The following WNT2B variants were observed in gnomAD, a reference collection of about 807,000 sequenced individuals.
WNT2B encodes the protein protein Wnt-2b.
Under a neutral mutation model 40.5 loss-of-function variants are expected in WNT2B, and 19 were observed. The ratio of observed to expected loss-of-function variants is 0.47; its 90% CI spans 0.33 to 0.69. The LOEUF (loss-of-function observed/expected upper bound fraction) is 0.69, where lower values mean the gene tolerates loss of function less well. Ranked by LOEUF, WNT2B falls within the 30% of genes least tolerant of loss-of-function variation. The probability of loss-of-function intolerance (pLI) is 0.02; values close to 1 mark genes in which losing one functional copy is unlikely to be tolerated. For missense variants in WNT2B, 467 were observed against 556.4 expected (o/e 0.84, Z 1.62); for synonymous variants, 220 against 211.9 (o/e 1.04, Z -0.33).
Position 112,480,324 on chromosome 1 carries a change from A to G in WNT2B, c.-95+12733A>G, listed in dbSNP as rs1214425823. Among the ~76,000 whole-genome samples the G allele has an allele frequency of 8.9e-5, 13 of 146,510 alleles. No individual in the cohort carries two copies. The Admixed American group carries it at 9.2e-4, about 10-fold the overall frequency. On this transcript the variant is annotated intron_variant, in intron 1 of 4. Coordinates refer to the WNT2B transcript ENST00000256640. The stretch of plus-strand genomic sequence containing the variant: ...GGAAGTTGCAGCCAGTCAATATCAC[A>G]CCACTGCACTCAGCCTGGGTGACAG...
Position 112,481,164 on chromosome 1 carries a change from C to T in WNT2B, c.-95+13573C>T, listed in dbSNP as rs555253477. Among the ~76,000 whole-genome samples the T allele has an allele frequency of 9.0e-5, 12 of 132,638 alleles. No individual in the cohort carries two copies. The East Asian group carries it at 1.8e-3, about 20-fold the overall frequency. 87.0% of individuals were successfully genotyped at this position (132,638 alleles called of 152,430 possible). ...AGCCTGGGCAACAAGAGCAAAATTT[C>T]GTCTCAAAAAAAAAAAAAAATTATA... On this transcript the variant is annotated intron_variant, in intron 1 of 4. Coordinates refer to the WNT2B transcript ENST00000256640.
chr1:112,504,027 G>A (rs1227854337), upstream of WNT2B, among the ~76,000 whole-genome samples: 1 of 152,166 alleles, frequency 6.6e-6, no homozygotes, highest in African/African-American at 2.4e-5. Flanking sequence ...AGAACAGGTG[G>A]TAGGGAGAGA....
intron 1 of WNT2B, among the ~76,000 whole-genome samples, chr1:112,513,115 C>T (rs1195237431): frequency 1.4e-5 from 2 of 144,134 alleles, no homozygotes; most frequent in African/African-American, 5.5e-5. Context: ...TCACCCAAGC[C>T]CCATTAAAAA....
chr1:112,526,362 A>T lies in WNT2B; in HGVS notation c.*5853A>T, dbSNP rs1653391633. On this transcript the variant is annotated 3_prime_UTR_variant, in exon 5 of 5. Coordinates refer to ENST00000369684, the MANE Select transcript of WNT2B (RefSeq NM_024494.3). ...TTTCCCCTTCAGATTAACATTAAAAATTTTATCTAGTCCTTTTGAAATTAT... is the reference window on the plus strand; with the variant it reads ...TTTCCCCTTCAGATTAACATTAAAATTTTTATCTAGTCCTTTTGAAATTAT... The T allele has an allele frequency of 2.5e-6, 1 of 401,778 alleles. No homozygotes were observed. The highest frequency in any genetic ancestry group is 5.6e-5 in the South Asian group (1 of 17,708). The allele number at this position is 401,778 out of a possible 1,614,324, so 24.9% of individuals were successfully genotyped here.
chr1:112,510,741 AG>A (rs966986733), intron 1 of WNT2B, among the ~76,000 whole-genome samples: 15 of 148,420 alleles, frequency 1.0e-4, no homozygotes, highest in African/African-American at 2.7e-4. Flanking sequence ...GAAGGCAAGG[AG>A]GGGGGGTTCT....
intron 1 of WNT2B, among the ~76,000 whole-genome samples, chr1:112,493,886 G>A (rs184995077): frequency 9.6e-4 from 140 of 145,882 alleles, no homozygotes; most frequent in East Asian, 4.0e-4. Flanking sequence ...AACCAACAAC[G>A]ACAAAAACAC....
intron 1 of WNT2B, among the ~76,000 whole-genome samples, chr1:112,496,849 C>T (rs1651790771): frequency 6.6e-6 from 1 of 152,194 alleles, no homozygotes; most frequent in Non-Finnish European, 1.5e-5. Context: ...ATCTGCCCGC[C>T]TCAGCCTCCC....
chr1:112,511,361 C>T (rs1015734197), intron 1 of WNT2B, among the ~76,000 whole-genome samples: 9 of 152,156 alleles, frequency 5.9e-5, no homozygotes, highest in Non-Finnish European at 2.9e-5. Context: ...CTCCTTGCTC[C>T]ACACCTGTCA....
intron 1 of WNT2B, among the ~76,000 whole-genome samples, chr1:112,472,994 G>GAGGGAGGA (rs548274085): frequency 0.046 from 6,277 of 136,674 alleles, 674 homozygotes; most frequent in African/African-American, 0.18. Context: ...GAGAGGGAGG[G>GAGGGAGGA]AGGGGAGGGA....
intron 1 of WNT2B, among the ~76,000 whole-genome samples, chr1:112,498,313 G>A (rs1479831070): frequency 6.6e-6 from 1 of 151,774 alleles, no homozygotes; most frequent in Admixed American, 6.6e-5. Context: ...GAATGCAGTG[G>A]TGCCATCTTG....
intron 1 of WNT2B, among the ~76,000 whole-genome samples, chr1:112,501,759 A>ACCAC (rs1651961940): frequency 6.6e-6 from 1 of 152,162 alleles, no homozygotes; most frequent in East Asian, 1.9e-4. Flanking sequence ...ATGTTTGAGA[A>ACCAC]CCACCGCTCT....
intron 1 of WNT2B, among the ~76,000 whole-genome samples, chr1:112,485,460 C>CAAA (rs55872721): frequency 7.7e-6 from 1 of 129,084 alleles, no homozygotes; most frequent in African/African-American, 2.9e-5. Context: ...GACTCTGTCT[C>CAAA]AAAAAAAAAA....
chr1:112,485,939 G>A (rs970904141), intron 1 of WNT2B, among the ~76,000 whole-genome samples: 4 of 152,158 alleles, frequency 2.6e-5, no homozygotes, highest in African/African-American at 9.6e-5. Flanking sequence ...TTGTTAATAT[G>A]GTGAAATACA....
At position 112,529,028 on chromosome 1, in the gene WNT2B, T is replaced by C. The variant is rs984913628; in HGVS notation, c.*8519T>C. On this transcript the variant is annotated 3_prime_UTR_variant, in exon 5 of 5. Coordinates refer to ENST00000369684, the MANE Select transcript of WNT2B (RefSeq NM_024494.3). ...ACTTATGGGGCTTTTGTCATACTTC[T>C]TAACCAAACTTCCCTAACTTCTGAG... 3 of 152,214 alleles carry C rather than the reference T, an allele frequency of 2.0e-5. No individual in the cohort carries two copies. The highest frequency in any genetic ancestry group is 7.2e-5 in the African/African-American group (3 of 41,448). The allele number at this position is 152,214 out of a possible 1,614,324, so 9.4% of individuals were successfully genotyped here. A position where few individuals can be genotyped will look rare whatever the true frequency, so the allele number is the denominator to read the frequency against.
At chr1:112,491,346 G>C (rs1297020266) in intron 1 of WNT2B, among the ~76,000 whole-genome samples, 1 of 152,222 alleles carries the variant, frequency 6.6e-6, no homozygotes, top group Admixed American at 6.5e-5. Context: ...GGCAGAGGTT[G>C]CAGTGAGCTG....
At chr1:112,493,425 CT>C (rs1651665178) in intron 1 of WNT2B, among the ~76,000 whole-genome samples, 1 of 152,072 alleles carries the variant, frequency 6.6e-6, no homozygotes, top group African/African-American at 2.4e-5. Context: ...CGAGACCAGC[CT>C]GGGCAACATA....
At position 112,516,340 on chromosome 1, in the gene WNT2B, T is replaced by C; in HGVS notation, c.604T>C (p.Phe202Leu). The change falls in exon 3 of 5, where the codon TTC (phenylalanine) becomes CTC (leucine). Residue 202 changes from phenylalanine to leucine, a missense_variant. Phe to Leu is a conservative substitution (Grantham distance 22). Coordinates refer to ENST00000369684, the MANE Select transcript of WNT2B (RefSeq NM_024494.3). Reference protein sequence around the residue: ...IHYGVRFAKAFVDAKEKRLKD... With the variant: ...IHYGVRFAKALVDAKEKRLKD... ...CTACGGTGTCCGTTTTGCCAAGGCCTTCGTGGATGCCAAGGAGAAGAGGCT... is the reference window on the plus strand; with the variant it reads ...CTACGGTGTCCGTTTTGCCAAGGCCCTCGTGGATGCCAAGGAGAAGAGGCT... The C allele has an allele frequency of 6.2e-7, 1 of 1,613,950 alleles. No individual in the cohort carries two copies. The highest frequency in any genetic ancestry group is 8.5e-7 in the Non-Finnish European group (1 of 1,179,998).
chr1:112,515,729 G>A lies in WNT2B; in HGVS notation c.404-411G>A, dbSNP rs1005319936. On this transcript the variant is annotated intron_variant, in intron 2 of 4. Transcript: ENST00000369684. This position sits in a 1 kb window ranked among gnomAD's most constrained non-coding sequence, Gnocchi z 4.4. ...TAAACAGGCTGACCCCTGGGCTGGG[G>A]TCTCCATTGTGGGGGAACTGTCCAG... 6.6e-6 allele frequency among the ~76,000 whole-genome samples: 1 copy of A among 152,204 alleles called. No individual in the cohort carries two copies. The highest frequency in any genetic ancestry group is 2.4e-5 in the African/African-American group (1 of 41,452).
At chr1:112,473,709 C>CA (rs1318097564) in intron 1 of WNT2B, among the ~76,000 whole-genome samples, 8 of 151,260 alleles carry the variant, frequency 5.3e-5, no homozygotes, top group African/African-American at 1.9e-4. Context: ...TTCACAGATA[C>CA]AAAAAAAGCC....
Sources: gnomAD v4.1 joint callset for allele counts (sites outside exome capture counted in the v4.1 genomes callset) on GRCh38, gnomAD v4.1.1 for gene constraint, Gnocchi (gnomAD v3.1) non-coding constraint, MANE v1.5 for transcripts, NCBI Gene and HGNC (gene_info 2026-07-23, HGNC 2026-07-21) for gene names.